CIC: variants seen among roughly 807,000 people sequenced by gnomAD.
CIC encodes capicua transcriptional repressor.
Under a neutral mutation model 115.7 loss-of-function variants are expected in CIC, and 18 were observed. That is an observed-to-expected ratio of 0.16 (90% CI 0.11 to 0.23). The LOEUF is 0.23. CIC is among the 10% of genes least tolerant of loss of function. The pLI is 1.00. For missense variants in CIC, 2,000 were observed against 2,159.3 expected, an observed-to-expected ratio of 0.93 and a Z score of 1.46; for synonymous variants, 1,076 against 923.0, an observed-to-expected ratio of 1.17 and a Z score of -3.01.
Position 42,287,523 on chromosome 19 carries a change from C to A in CIC, c.3310-22C>A. 6.2e-7 allele frequency: 1 copy of A among 1,612,866 alleles called. No individual in the cohort carries two copies. The highest frequency in any genetic ancestry group is 8.5e-7 in the Non-Finnish European group (1 of 1,180,026). On this transcript the variant is annotated intron_variant, in intron 5 of 20. Transcript: ENST00000681038. The surrounding 1 kb of genome is among the most constrained non-coding windows in gnomAD (Gnocchi z 8.7). ...TGTCTGCCAGGTCCTAACTGTCCCG[C>A]TCTGGGCTGTGTTTAATGCAGCGGG... is the stretch of plus-strand genomic sequence containing the variant.
rs531617813 is a variant in CIC at position 42,280,610 on chromosome 19, G to T, written c.2794+6033G>T. Among the ~76,000 whole-genome samples the T allele has an allele frequency of 6.6e-6, 1 of 152,180 alleles. No individual in the cohort carries two copies. The highest frequency in any genetic ancestry group is 1.5e-5 in the Non-Finnish European group (1 of 68,016). Reference sequence around the variant, plus strand: ...GGTACCCTCCCTCCCACCGCAGACAGCTCGGGTGCCAGCTGGCCGGCGCCC... The same window carrying T: ...GGTACCCTCCCTCCCACCGCAGACATCTCGGGTGCCAGCTGGCCGGCGCCC... On this transcript the variant is annotated intron_variant, in intron 2 of 20. Coordinates refer to ENST00000681038, the MANE Select transcript of CIC (RefSeq NM_001386298.1). The surrounding 1 kb of genome is among the most constrained non-coding windows in gnomAD (Gnocchi z 4.9).
In CIC at chr19:42,291,090, G is replaced by T; in HGVS notation, c.5049G>T (p.Ala1683=). The T allele has an allele frequency of 6.2e-7, 1 of 1,613,546 alleles. No individual in the cohort carries two copies. The highest frequency in any genetic ancestry group is 1.1e-5 in the South Asian group (1 of 91,062). Residue 1683 remains alanine, a synonymous_variant, in exon 11 of 21, where the codon GCG becomes GCT. Transcript: ENST00000681038. ...LVGTPGYGAP[A]PPAVQFIAQG... is the part of the protein sequence containing the mutation. ...GCACCCCGGGGTATGGGGCCCCTGC[G>T]CCCCCTGCTGTCCAGTTCATTGCCC...
rs375676767 is a variant in CIC at position 42,287,356 on chromosome 19, T to C, written c.3216T>C (p.Pro1072=). Reference sequence around the variant, plus strand: ...TCATGTCTCCTGAGATCCAGTTGCCTCTACCGCCCGGAAAACGTCGGACCC... The same window carrying C: ...TCATGTCTCCTGAGATCCAGTTGCCCCTACCGCCCGGAAAACGTCGGACCC... ...LSIMSPEIQL[P]LPPGKRRTQS... Residue 1072 remains proline, a synonymous_variant, in exon 5 of 21, where the codon CCT becomes CCC. Transcript: ENST00000681038. The surrounding 1 kb of genome is among the most constrained non-coding windows in gnomAD (Gnocchi z 8.7). The C allele has an allele frequency of 2.2e-5, 35 of 1,614,082 alleles. No homozygotes were observed. The South Asian group carries it at 3.5e-4, about 16-fold the overall frequency.
Position 42,272,819 on chromosome 19 carries a change from G to A in CIC, c.1036G>A (p.Glu346Lys), listed in dbSNP as rs990179871. ...CCTGCTGCGCCCCCCCTGGGAACCT[G>A]AGACCATGCTGAGGAAGCCCCCTAC... is the stretch of plus-strand genomic sequence containing the variant. ...LRLLRPPWEPETMLRKPPTGP... is the reference protein window; with the variant it reads ...LRLLRPPWEPKTMLRKPPTGP... Residue 346 changes from glutamate to lysine, a missense_variant, in exon 2 of 21, where the codon GAG becomes AAG. Physicochemically the swap from Glu to Lys is moderately conservative, Grantham distance 56 (BLOSUM62 1). Coordinates refer to ENST00000681038, the MANE Select transcript of CIC (RefSeq NM_001386298.1). 8 of 399,034 alleles carry A rather than the reference G, an allele frequency of 2.0e-5. No homozygotes were observed. Among genetic ancestry groups the A allele is most frequent in the Non-Finnish European group, 3.1e-5 (7 of 226,516 alleles). The allele number at this position is 399,034 out of a possible 1,614,324, so 24.7% of individuals were successfully genotyped here.
chr19:42,269,778 C>T (rs1568482884), intron 1 of CIC, among the ~76,000 whole-genome samples: 1 of 151,068 alleles, frequency 6.6e-6, no homozygotes, highest in East Asian at 1.9e-4. Context: ...AGGAGGGGGC[C>T]TAGGGCATTT....
rs750667375 is a variant in CIC, at chr19:42,287,517, G to A, written c.3310-28G>A. Reference sequence around the variant, plus strand: ...CACACCTGTCTGCCAGGTCCTAACTGTCCCGCTCTGGGCTGTGTTTAATGC... The same window carrying A: ...CACACCTGTCTGCCAGGTCCTAACTATCCCGCTCTGGGCTGTGTTTAATGC... On this transcript the variant is annotated intron_variant, in intron 5 of 20. Coordinates refer to ENST00000681038, the MANE Select transcript of CIC (RefSeq NM_001386298.1). This position sits in a 1 kb window ranked among gnomAD's most constrained non-coding sequence, Gnocchi z 8.7. 3 of 1,612,432 alleles carry A rather than the reference G, an allele frequency of 1.9e-6. No homozygotes were observed. In the African/African-American group the frequency reaches 4.0e-5, roughly 22 times the overall value.
rs1265456110 is a variant in CIC, at chr19:42,289,024, C to G, written c.3795C>G (p.Ser1265=). Residue 1265 remains serine (S), a synonymous_variant, in exon 8 of 21, where the codon TCC becomes TCG. Transcript: ENST00000681038. ...GPGSARPRAF[S]HSGVHSLDGG... ...GCTCAGCCCGGCCCCGAGCTTTCTC[C>G]CACAGCGGGGTACACAGCCTGGACG... 1 of 1,613,804 alleles carries G rather than the reference C, an allele frequency of 6.2e-7. No homozygotes were observed. The highest frequency in any genetic ancestry group is 1.7e-5 in the Admixed American group (1 of 60,032).
chr19:42,290,696 G>C lies in CIC; in HGVS notation c.4655G>C (p.Gly1552Ala), dbSNP rs1283236856. 9.3e-6 allele frequency: 15 copies of C among 1,612,838 alleles called. No individual in the cohort carries two copies. Among genetic ancestry groups the C allele is most frequent in the Admixed American group, 1.7e-5 (1 of 60,002 alleles). The change falls in exon 11 of 21, where the codon GGC becomes GCC. Residue 1552 changes from glycine to alanine, a missense_variant. Physicochemically the swap from Gly to Ala is moderately conservative, Grantham distance 60 (BLOSUM62 0). Transcript: ENST00000681038. ...LPPNKEEQEG[G>A]GARVPSAPAP... ...CCAAACAAGGAGGAGCAAGAGGGCG[G>C]CGGAGCCAGAGTGCCCTCCGCCCCC...
Position 42,280,851 on chromosome 19 carries a change from C to T in CIC, c.2795-5920C>T, listed in dbSNP as rs1261591553. Among the ~76,000 whole-genome samples, 3 of 151,954 alleles carry T rather than the reference C, an allele frequency of 2.0e-5. No individual in the cohort carries two copies. Among genetic ancestry groups the T allele is most frequent in the Non-Finnish European group, 4.4e-5 (3 of 67,936 alleles). ...CCCGCGCCGACCAACCCTCCCAGCCCAAGCGCCTGTACACCCCTTTCCCGC... is the reference window on the plus strand; with the variant it reads ...CCCGCGCCGACCAACCCTCCCAGCCTAAGCGCCTGTACACCCCTTTCCCGC... On this transcript the variant is annotated intron_variant, in intron 2 of 20. Transcript: ENST00000681038. This position sits in a 1 kb window ranked among gnomAD's most constrained non-coding sequence, Gnocchi z 4.9.
rs181097578 is a variant in CIC, at chr19:42,272,302, G to A, written c.519G>A (p.Ala173=). The A allele has an allele frequency of 6.0e-4, 241 of 398,562 alleles. 1 individual carries two copies. The highest frequency in any genetic ancestry group is 4.5e-3 in the African/African-American group (219 of 48,730). The allele number at this position is 398,562 out of a possible 1,614,324, so 24.7% of individuals were successfully genotyped here. A position where few individuals can be genotyped will look rare whatever the true frequency, so the allele number is the denominator to read the frequency against. Residue 173 remains alanine (A), a synonymous_variant, in exon 2 of 21, where the codon GCG becomes GCA. Transcript: ENST00000681038. ...SSTDTASEHS[A]DLEDEPAEAC... ...CTGACACAGCCAGCGAGCACTCGGC[G>A]GACCTGGAGGATGAGCCGGCTGAGG... is the stretch of plus-strand genomic sequence containing the variant.
rs1286336227 is a variant in CIC at position 42,295,367 on chromosome 19, T to TG, written c.*182dup. On this transcript the variant is annotated 3_prime_UTR_variant, in exon 21 of 21. Coordinates refer to ENST00000681038, the MANE Select transcript of CIC (RefSeq NM_001386298.1). ...TTCCCTCGAAGCTCCCTCCCGGTGC[T>TG]GGGGGGCAGCTGAGGGGCTGCAGGG... The TG allele has an allele frequency of 4.8e-5, 30 of 618,606 alleles. No individual in the cohort carries two copies. The highest frequency in any genetic ancestry group is 7.6e-5 in the Non-Finnish European group (27 of 357,154). The allele number at this position is 618,606 out of a possible 1,614,324, so 38.3% of individuals were successfully genotyped here. A position where few individuals can be genotyped will look rare whatever the true frequency, so the allele number is the denominator to read the frequency against.
In CIC at chr19:42,273,255, G is replaced by T; in HGVS notation, c.1472G>T (p.Ser491Ile). ...AAGGGCGATGTGGTCTGCACACCCA[G>T]CGGAATACGAAAGAAGTTCAACGGC... ...YKKGDVVCTP[S>I]GIRKKFNGKQ... Residue 491 changes from serine (S) to isoleucine (I), a missense_variant, in exon 2 of 21, where the codon AGC (serine) becomes ATC (isoleucine). This residue lies in a region of CIC where 222 missense variants were observed against 247.7 expected (regional missense o/e 0.90). Transcript: ENST00000681038. The T allele has an allele frequency of 2.5e-6, 1 of 398,640 alleles. No homozygotes were observed. The highest frequency in any genetic ancestry group is 4.4e-6 in the Non-Finnish European group (1 of 226,030). 24.7% of individuals were successfully genotyped at this position (398,640 alleles called of 1,614,324 possible).
intron 2 of CIC, 73 bp downstream of exon 2, chr19:42,274,650 A>G: frequency 5.0e-6 from 2 of 398,458 alleles, no homozygotes; most frequent in Non-Finnish European, 4.4e-6. Context: ...AACTCTTGAG[A>G]GGTGAGCTCC....
chr19:42,289,267 A>G lies in CIC; in HGVS notation c.3948A>G (p.Gly1316=). Residue 1316 remains glycine, a synonymous_variant, in exon 9 of 21, where the codon GGA becomes GGG. Coordinates refer to ENST00000681038, the MANE Select transcript of CIC (RefSeq NM_001386298.1). ...GACCCTTTGCAGCCCCTGGTGAGGG[A>G]GGTGCCTTGGCGGCCACTGGGCGGC... The part of the protein sequence containing the change: ...APGPFAAPGE[G]GALAATGRPP... The G allele has an allele frequency of 1.9e-6, 3 of 1,613,768 alleles. No homozygotes were observed. Among genetic ancestry groups the G allele is most frequent in the Non-Finnish European group, 2.5e-6 (3 of 1,180,012 alleles).
rs911775778 is a variant in CIC at position 42,274,081 on chromosome 19, C to T, written c.2298C>T (p.Ala766=). The change falls in exon 2 of 21, where the codon GCC becomes GCT. Residue 766 remains alanine, a synonymous_variant. Coordinates refer to ENST00000681038, the MANE Select transcript of CIC (RefSeq NM_001386298.1). ...CCTCCACGCCGGCTGGCTTCCGGGC[C>T]GTGTCCCCTGCTGTGCCCTTCTCTC... ...PTPSTPAGFR[A]VSPAVPFSRS... The T allele has an allele frequency of 1.3e-5, 5 of 399,688 alleles. No individual in the cohort carries two copies. Among genetic ancestry groups the T allele is most frequent in the Admixed American group, 8.8e-5 (2 of 22,804 alleles). 24.8% of individuals were successfully genotyped at this position (399,688 alleles called of 1,614,324 possible). A position where few individuals can be genotyped will look rare whatever the true frequency, so the allele number is the denominator to read the frequency against.
rs1599920157 is a variant in CIC at position 42,291,458 on chromosome 19, C to T, written c.5417C>T (p.Pro1806Leu). 5 of 1,612,982 alleles carry T rather than the reference C, an allele frequency of 3.1e-6. No homozygotes were observed. Among genetic ancestry groups the T allele is most frequent in the South Asian group, 2.2e-5 (2 of 91,088 alleles). The change falls in exon 11 of 21, where the codon CCC (proline) becomes CTC (leucine). Residue 1806 changes from proline (P) to leucine (L), a missense_variant. This residue lies in a region of CIC where 1,466 missense variants were observed against 1,390.4 expected (regional missense o/e 1.05). Coordinates refer to ENST00000681038, the MANE Select transcript of CIC (RefSeq NM_001386298.1). ...PILQSVPSAP[P>L]PKAQSVSPVQ... ...CTGCAGTCTGTACCCTCCGCCCCAC[C>T]CCCCAAAGGTGAGACCTGGGCCGGG...
At position 42,289,020 on chromosome 19, in the gene CIC, T is replaced by C. The variant is rs2037872003; in HGVS notation, c.3791T>C (p.Phe1264Ser). The change falls in exon 8 of 21, where the codon TTC becomes TCC. Residue 1264 changes from phenylalanine to serine, a missense_variant. This residue lies in a region of CIC where 1,466 missense variants were observed against 1,390.4 expected (regional missense o/e 1.05). Transcript: ENST00000681038. ...CCTGGCTCAGCCCGGCCCCGAGCTT[T>C]CTCCCACAGCGGGGTACACAGCCTG... ...GGPGSARPRA[F>S]SHSGVHSLDG... is the part of the protein sequence containing the mutation. 6.2e-7 allele frequency: 1 copy of C among 1,613,780 alleles called. No individual in the cohort carries two copies. Among genetic ancestry groups the C allele is most frequent in the Non-Finnish European group, 8.5e-7 (1 of 1,180,020 alleles).
intron 2 of CIC, among the ~76,000 whole-genome samples, chr19:42,286,074 A>G (rs1213718050): frequency 6.6e-6 from 1 of 152,154 alleles, no homozygotes; most frequent in Non-Finnish European, 1.5e-5. Context: ...CTGATGGGGA[A>G]GGGAGGCTGG....
Position 42,274,240 on chromosome 19 carries a change from A to G in CIC, c.2457A>G (p.Pro819=), listed in dbSNP as rs988981625. ...SPVIVRNPDV[P]LPSKFPGEVG... ...TTATTGTCCGCAACCCTGATGTGCC[A>G]CTGCCCTCCAAATTCCCTGGGGAGG... The change falls in exon 2 of 21, where the codon CCA becomes CCG. Residue 819 remains proline (P), a synonymous_variant. Transcript: ENST00000681038. 7.5e-6 allele frequency: 3 copies of G among 398,688 alleles called. No individual in the cohort carries two copies. Among genetic ancestry groups the G allele is most frequent in the African/African-American group, 6.2e-5 (3 of 48,628 alleles). The allele number at this position is 398,688 out of a possible 1,614,324, so 24.7% of individuals were successfully genotyped here. A position where few individuals can be genotyped will look rare whatever the true frequency, so the allele number is the denominator to read the frequency against.
Sources: gnomAD v4.1 joint callset for allele counts (sites outside exome capture counted in the v4.1 genomes callset) on GRCh38, gnomAD v4.1.1 for gene constraint, gnomAD v4.1.1 regional missense constraint, Gnocchi (gnomAD v3.1) non-coding constraint, MANE v1.5 for transcripts, NCBI Gene and HGNC (gene_info 2026-07-23, HGNC 2026-07-21) for gene names.